Variants in WDFY3 observed in about 807,000 individuals in gnomAD.
The protein encoded by WDFY3 is WD repeat and FYVE domain-containing protein 3.
In WDFY3, 66 loss-of-function variants were observed where a neutral mutation model predicts 409.6. The ratio of observed to expected loss-of-function variants is 0.16; its 90% confidence interval spans 0.13 to 0.20. WDFY3 has a LOEUF of 0.20. WDFY3 is among the 10% of genes least tolerant of loss of function. The pLI, the probability that WDFY3 is intolerant of heterozygous loss-of-function variation, is 1.00. For missense variants in WDFY3, 3,031 were observed against 4,298.1 expected, an observed-to-expected ratio of 0.71 and a Z score of 8.24; for synonymous variants, 1,521 against 1,537.1, an observed-to-expected ratio of 0.99 and a Z score of 0.25.
intron 47 of WDFY3, among the ~76,000 whole-genome samples, chr4:84,720,845 G>T (rs1177592849): frequency 6.6e-6 from 1 of 152,068 alleles, no homozygotes; most frequent in Non-Finnish European, 1.5e-5. Flanking sequence ...AACACAACAT[G>T]GTGGGTGTAA....
rs776397107 is a variant in WDFY3, at chr4:84,780,251, C to T, written c.4222G>A (p.Val1408Ile). The T allele has an allele frequency of 4.3e-6, 7 of 1,613,808 alleles. No individual in the cohort carries two copies. The highest frequency in any genetic ancestry group is 2.2e-5 in the East Asian group (1 of 44,890). The change falls in exon 26 of 68, where the codon GTT becomes ATT. Residue 1408 changes from valine to isoleucine, a missense_variant. Transcript: ENST00000295888. ...CCCAGGATGGCTGCAGCTCCACCAACGTACTGCAAAGTAGTGGCAACAGGC... is the reference window on the plus strand; with the variant it reads ...CCCAGGATGGCTGCAGCTCCACCAATGTACTGCAAAGTAGTGGCAACAGGC... ...PKPVATTLQY[V>I]GGAAAILGLV... is the part of the protein sequence containing the mutation.
At chr4:84,935,812 T>C (rs1196611943) in intron 1 of WDFY3, among the ~76,000 whole-genome samples, 1 of 152,178 alleles carries the variant, frequency 6.6e-6, no homozygotes, top group African/African-American at 2.4e-5. Flanking sequence ...ATTTACAATC[T>C]TTCATTTTAA....
chr4:84,701,104 T>C (rs906202883), intron 56 of WDFY3, among the ~76,000 whole-genome samples: 43 of 152,244 alleles, frequency 2.8e-4, no homozygotes, highest in Non-Finnish European at 4.8e-4. Context: ...TGCAAGACTC[T>C]GTCTCAATAA....
intron 3 of WDFY3, among the ~76,000 whole-genome samples, chr4:84,890,462 T>C (rs544782544): frequency 6.6e-6 from 1 of 152,318 alleles, no homozygotes; most frequent in South Asian, 2.1e-4. Flanking sequence ...ATACATACAT[T>C]TTTTACCTGC....
At chr4:84,811,419 G>A (rs1752474060) in intron 13 of WDFY3, among the ~76,000 whole-genome samples, 1 of 152,158 alleles carries the variant, frequency 6.6e-6, no homozygotes, top group Admixed American at 6.5e-5. Flanking sequence ...ACAATCCTAT[G>A]GGTAAGGTAC....
intron 47 of WDFY3, among the ~76,000 whole-genome samples, chr4:84,720,810 G>A (rs1734736592): frequency 6.8e-6 from 1 of 147,358 alleles, no homozygotes; most frequent in South Asian, 2.1e-4. Context: ...CAACCACAAT[G>A]AGTAAAGTGC....
intron 1 of WDFY3, chr4:84,965,649 C>A (rs1200962228): frequency 1.3e-5 from 2 of 152,232 alleles, no homozygotes; most frequent in East Asian, 3.9e-4. Flanking sequence ...CTGGCTCCTT[C>A]CATAATCGAA....
chr4:84,896,660 T>C (rs1765679628), intron 3 of WDFY3, among the ~76,000 whole-genome samples: 1 of 152,222 alleles, frequency 6.6e-6, no homozygotes, highest in South Asian at 2.1e-4. Context: ...ATGTTAAATA[T>C]GTGTAAGCAT....
chr4:84,715,428 A>C, intron 49 of WDFY3, 45 bp from the exon 50 acceptor site: 1 of 1,093,694 alleles, frequency 9.1e-7, no homozygotes, highest in Non-Finnish European at 1.4e-6. Context: ...ACAGAAGTTC[A>C]CAAATAAAAT....
chr4:84,865,635 G>A (rs1761283454), intron 3 of WDFY3, among the ~76,000 whole-genome samples: 1 of 152,124 alleles, frequency 6.6e-6, no homozygotes. Flanking sequence ...CCCCAGCCCT[G>A]CTACTTGGCT....
intron 1 of WDFY3, among the ~76,000 whole-genome samples, chr4:84,945,932 G>A (rs1369082298): frequency 1.3e-5 from 2 of 152,082 alleles, no homozygotes; most frequent in African/African-American, 2.4e-5. Context: ...AAGCAAAAAT[G>A]GAGGCTATAG....
At chr4:84,936,577 C>G (rs115638950) in intron 1 of WDFY3, among the ~76,000 whole-genome samples, 4,518 of 151,974 alleles carry the variant, frequency 0.03, 93 homozygotes, top group Middle Eastern at 0.044. Flanking sequence ...TCCAAATAGC[C>G]CAGAAAGATT....
Position 84,772,846 on chromosome 4 carries a change from T to G in WDFY3, c.4838A>C (p.Lys1613Thr). 1 of 1,610,912 alleles carries G rather than the reference T, an allele frequency of 6.2e-7. No homozygotes were observed. Among genetic ancestry groups the G allele is most frequent in the East Asian group, 2.2e-5 (1 of 44,658 alleles). Residue 1613 changes from lysine to threonine, a missense_variant, in exon 30 of 68, where the codon AAG becomes ACG. Lys to Thr is a moderately conservative substitution (Grantham distance 78). This residue lies in a region of WDFY3 where 342 missense variants were observed against 463.7 expected (regional missense o/e 0.74). Coordinates refer to ENST00000295888, the MANE Select transcript of WDFY3 (RefSeq NM_014991.6). ...CAGAATCAACTTACCAGTGTCAAGCTTCTCTTCATTATTTATTTCCATTAC... is the reference window on the plus strand; with the variant it reads ...CAGAATCAACTTACCAGTGTCAAGCGTCTCTTCATTATTTATTTCCATTAC... ...FVVMEINNEE[K>T]LDTGTEEEFG...
intron 24 of WDFY3, among the ~76,000 whole-genome samples, chr4:84,784,891 T>TATATATATATATATACACACAC (rs1238884117): frequency 2.7e-5 from 1 of 36,930 alleles, no homozygotes; most frequent in African/African-American, 7.6e-5. Context: ...TATATATATA[T>TATATATATATATATACACACAC]ACACACACAC....
chr4:84,685,885 C>A (rs972114491), intron 62 of WDFY3, among the ~76,000 whole-genome samples: 1 of 152,240 alleles, frequency 6.6e-6, no homozygotes, highest in Middle Eastern at 3.4e-3. Flanking sequence ...AAGTTAAGAA[C>A]AACCCCAAAA....
intron 18 of WDFY3, among the ~76,000 whole-genome samples, 190 bp downstream of exon 18, chr4:84,797,806 C>T (rs189581585): frequency 2.0e-5 from 3 of 152,060 alleles, no homozygotes; most frequent in East Asian, 1.9e-4. Context: ...CTCCCGACCT[C>T]GTGATCCGCC....
At chr4:84,878,108 T>TG (rs1388243522) in intron 3 of WDFY3, among the ~76,000 whole-genome samples, 3 of 152,146 alleles carry the variant, frequency 2.0e-5, no homozygotes, top group Non-Finnish European at 4.4e-5. Flanking sequence ...CAGTTAAAAC[T>TG]GATATAAATT....
chr4:84,697,484 T>C (rs1454368779), intron 56 of WDFY3, among the ~76,000 whole-genome samples: 1 of 152,214 alleles, frequency 6.6e-6, no homozygotes, highest in African/African-American at 2.4e-5. Flanking sequence ...AAATAACATG[T>C]TGTGATAAAG....
intron 3 of WDFY3, among the ~76,000 whole-genome samples, chr4:84,877,363 TCA>T (rs1209098658): frequency 6.6e-6 from 1 of 152,220 alleles, no homozygotes; most frequent in Non-Finnish European, 1.5e-5. Context: ...GTTGTTTTTC[TCA>T]TTCTGTTGCC....
Sources: gnomAD v4.1 joint callset for allele counts (sites outside exome capture counted in the v4.1 genomes callset) on GRCh38, gnomAD v4.1.1 for gene constraint, gnomAD v4.1.1 regional missense constraint, MANE v1.5 for transcripts, NCBI Gene and HGNC (gene_info 2026-07-23, HGNC 2026-07-21) for gene names.